Variants in RAB33B observed in about 807,000 individuals in gnomAD.
RAB33B encodes the protein RAB33B, member RAS oncogene family.
In RAB33B, 6 loss-of-function variants were observed where a neutral mutation model predicts 15.0. The ratio of observed to expected loss-of-function variants is 0.40; its 90% CI spans 0.22 to 0.79. The LOEUF (loss-of-function observed/expected upper bound fraction) is 0.79. Among genes scored for constraint, RAB33B ranks in the 30% least tolerant of loss-of-function variants. The pLI, the probability that RAB33B is intolerant of heterozygous loss-of-function variation, is 0.37. For synonymous variants in RAB33B, 117 were observed against 108.3 expected (o/e 1.08, Z -0.50); for missense variants, 257 against 296.4 (o/e 0.87, Z 0.98).
chr4:139,454,154 G>C lies in RAB33B; in HGVS notation c.-42G>C. 1 of 1,573,500 alleles carries C rather than the reference G, an allele frequency of 6.4e-7. No homozygotes were observed. The highest frequency in any genetic ancestry group is 8.6e-7 in the Non-Finnish European group (1 of 1,159,582). The stretch of plus-strand genomic sequence containing the variant: ...GGTGGCGTAATCTCTCAGCCTTTCT[G>C]TGTCTCCTTTCCTCCGCCTCAGTTT... On this transcript the variant is annotated 5_prime_UTR_variant, in exon 1 of 2. Coordinates refer to ENST00000305626, the MANE Select transcript of RAB33B (RefSeq NM_031296.3).
chr4:139,439,400 T>TGCTG, the RAB33B span, among the ~76,000 whole-genome samples: 3 of 152,260 alleles, frequency 2.0e-5, no homozygotes, highest in Non-Finnish European at 4.4e-5. Context: ...ATAAGAAATC[T>TGCTG]GCTGATAATC....
At chr4:139,453,183 G>A (rs1324608012), upstream of RAB33B, 1 of 152,176 alleles carries the variant, frequency 6.6e-6, no homozygotes, top group African/African-American at 2.4e-5. Context: ...TCCACCAGGG[G>A]CGCCTAGTAA....
chr4:139,449,373 T>C (rs970845876), upstream of RAB33B: 2 of 152,150 alleles, frequency 1.3e-5, no homozygotes, highest in Non-Finnish European at 2.9e-5. Context: ...GTGGTGGACT[T>C]GTGATGGTTA....
chr4:139,470,708 C>G (rs1750372236), intron 1 of RAB33B, among the ~76,000 whole-genome samples: 1 of 152,146 alleles, frequency 6.6e-6, no homozygotes, highest in South Asian at 2.1e-4. Flanking sequence ...CTGGGTATGC[C>G]AGCTGTTTTT....
At position 139,454,258 on chromosome 4, in the gene RAB33B, G is replaced by A. The variant is rs1216384770; in HGVS notation, c.63G>A (p.Gly21=). 1 of 1,614,148 alleles carries A rather than the reference G, an allele frequency of 6.2e-7. No individual in the cohort carries two copies. Residue 21 remains glycine (G), a synonymous_variant, in exon 1 of 2, where the codon GGG becomes GGA. Transcript: ENST00000305626. ...TTTCGTCCAGCGGGGCAGTGTCAGGGGCCTCAGGGTTTTTGCCTCCTGCCC... is the reference window on the plus strand; with the variant it reads ...TTTCGTCCAGCGGGGCAGTGTCAGGAGCCTCAGGGTTTTTGCCTCCTGCCC... ...ASFSSSGAVS[G]ASGFLPPARS...
upstream of RAB33B, chr4:139,450,092 T>C (rs1749891629): frequency 6.6e-6 from 1 of 152,238 alleles, no homozygotes; most frequent in Admixed American, 6.5e-5. Flanking sequence ...AAATTCCTCA[T>C]GGGCTAAAAT....
chr4:139,457,502 G>A (rs1249274541), intron 1 of RAB33B, among the ~76,000 whole-genome samples: 3 of 152,148 alleles, frequency 2.0e-5, no homozygotes, highest in Admixed American at 6.5e-5. Flanking sequence ...GAACATTTTA[G>A]TAGCTTACTT....
In RAB33B at chr4:139,473,902, C is replaced by CTTTTTTTTTTTT. The variant is rs10604111; in HGVS notation, c.*786_*797dup. The CTTTTTTTTTTTT allele has an allele frequency of 1.8e-5, 2 of 112,806 alleles. No homozygotes were observed. The highest frequency in any genetic ancestry group is 7.1e-5 in the African/African-American group (2 of 28,350). The allele number at this position is 112,806 out of a possible 1,614,324, so 7.0% of individuals were successfully genotyped here. On this transcript the variant is annotated 3_prime_UTR_variant, in exon 2 of 2. Transcript: ENST00000305626. ...AAGAGTTATTTGAGTTTCTTTCTTT[C>CTTTTTTTTTTTT]TTTTTTTTTTTTTTTTTTTTTGAGA...
chr4:139,460,976 CAGAG>C (rs1310409728), intron 1 of RAB33B, among the ~76,000 whole-genome samples: 2 of 152,172 alleles, frequency 1.3e-5, no homozygotes, highest in Non-Finnish European at 1.5e-5. Context: ...TGTGTATATT[CAGAG>C]GTGGTGAGAA....
rs1275019738 is a variant in RAB33B, at chr4:139,475,663, T to C, written c.*2537T>C. The stretch of plus-strand genomic sequence containing the variant: ...TCACACATTTAAAAAATCTGTAGAA[T>C]TTATTTTAACTATGACCTTTAATTG... On this transcript the variant is annotated 3_prime_UTR_variant, in exon 2 of 2. Transcript: ENST00000305626. 1.3e-5 allele frequency: 2 copies of C among 152,116 alleles called. No homozygotes were observed. The highest frequency in any genetic ancestry group is 1.3e-4 in the Admixed American group (2 of 15,276). The allele number at this position is 152,116 out of a possible 1,614,324, so 9.4% of individuals were successfully genotyped here.
chr4:139,471,578 G>A (rs1274800750), intron 1 of RAB33B, among the ~76,000 whole-genome samples: 6 of 150,936 alleles, frequency 4.0e-5, no homozygotes, highest in African/African-American at 1.5e-4. Context: ...TCCTTGCGGG[G>A]CAGTTGGGGA....
rs1210543311 is a variant in RAB33B, at chr4:139,471,870, C to T, written c.250-816C>T. On this transcript the variant is annotated intron_variant, in intron 1 of 1. Coordinates refer to ENST00000305626, the MANE Select transcript of RAB33B (RefSeq NM_031296.3). ...AGCTCTTAAATTTAGGTCTTTGATC[C>T]ATTTTGAGTAAGTTTTTATATATGG... is the stretch of plus-strand genomic sequence containing the variant. 2.6e-5 allele frequency among the ~76,000 whole-genome samples: 4 copies of T among 152,106 alleles called. No individual in the cohort carries two copies. The East Asian group carries it at 7.7e-4, about 29-fold the overall frequency.
chr4:139,439,003 A>C, the RAB33B span, among the ~76,000 whole-genome samples: 1 of 152,052 alleles, frequency 6.6e-6, no homozygotes, highest in Non-Finnish European at 1.5e-5. Flanking sequence ...AGTTTTTGCC[A>C]GGTATGGGAT....
At chr4:139,440,424 C>T in the RAB33B span, among the ~76,000 whole-genome samples, 1 of 152,156 alleles carries the variant, frequency 6.6e-6, no homozygotes, top group Non-Finnish European at 1.5e-5. Context: ...CTCTCTGCAC[C>T]TCTGTGATCA....
In RAB33B at chr4:139,473,244, T is replaced by G. The variant is rs886059077; in HGVS notation, c.*118T>G. ...TGGGTCATCTTGACACTTTGCTGTT[T>G]GTCATTGTCACGCTTTTGTATTTTG... On this transcript the variant is annotated 3_prime_UTR_variant, in exon 2 of 2. Coordinates refer to ENST00000305626, the MANE Select transcript of RAB33B (RefSeq NM_031296.3). 2 of 914,224 alleles carry G rather than the reference T, an allele frequency of 2.2e-6. No individual in the cohort carries two copies. The highest frequency in any genetic ancestry group is 1.7e-5 in the African/African-American group (1 of 59,626). The allele number at this position is 914,224 out of a possible 1,614,324, so 56.6% of individuals were successfully genotyped here.
chr4:139,453,682 TA>T (rs907268231), upstream of RAB33B: 2 of 152,436 alleles, frequency 1.3e-5, no homozygotes, highest in Non-Finnish European at 2.9e-5. Flanking sequence ...GCTCCGTCCT[TA>T]CCGTTGCTCT....
intron 1 of RAB33B, among the ~76,000 whole-genome samples, chr4:139,463,001 A>G (rs1162549567): frequency 1.3e-5 from 2 of 152,106 alleles, no homozygotes; most frequent in Non-Finnish European, 2.9e-5. Context: ...TCCCATCTCT[A>G]CAAAAAACAC....
intron 1 of RAB33B, among the ~76,000 whole-genome samples, chr4:139,462,689 T>C (rs1750197945): frequency 6.6e-6 from 1 of 152,240 alleles, no homozygotes; most frequent in Admixed American, 6.5e-5. Flanking sequence ...CAGAATCAAA[T>C]GGCAAATCTT....
intron 1 of RAB33B, among the ~76,000 whole-genome samples, chr4:139,460,713 C>T (rs1181115473): frequency 6.6e-6 from 1 of 152,158 alleles, no homozygotes; most frequent in African/African-American, 2.4e-5. Context: ...CCTAAGAATG[C>T]TGAAGAATCT....
Sources: allele counts gnomAD v4.1 joint callset (sites outside exome capture counted in the v4.1 genomes callset), GRCh38; gene constraint gnomAD v4.1.1; transcripts MANE v1.5; gene names NCBI Gene and HGNC (gene_info 2026-07-23, HGNC 2026-07-21).